Variants in MSI1 observed in about 807,000 individuals in gnomAD.
MSI1 encodes the protein RNA-binding protein Musashi homolog 1.
In MSI1, 15 loss-of-function variants were observed where a neutral mutation model predicts 54.4. The observed-to-expected ratio is 0.28, with a 90% CI of 0.18 to 0.42. The LOEUF is 0.42. MSI1 is among the 20% of genes least tolerant of loss of function. The pLI is 1.00. For synonymous variants in MSI1, 200 were observed against 196.5 expected (o/e 1.02, Z -0.15); for missense variants, 304 against 506.0 (o/e 0.60, Z 3.83).
intron 11 of MSI1, among the ~76,000 whole-genome samples, chr12:120,350,668 T>C (rs2136921668): frequency 6.6e-6 from 1 of 152,244 alleles, no homozygotes; most frequent in South Asian, 2.1e-4. Flanking sequence ...TCTCCTCGGC[T>C]CAAGGCTGGC....
intron 6 of MSI1, among the ~76,000 whole-genome samples, chr12:120,361,171 A>G (rs1183795403): frequency 6.6e-6 from 1 of 152,132 alleles, no homozygotes; most frequent in Non-Finnish European, 1.5e-5. Flanking sequence ...ATTTAGGGCC[A>G]TGACCACCAT....
chr12:120,351,513 A>G (rs1874594498), intron 10 of MSI1, 113 bp from the exon 11 acceptor site: 4 of 883,888 alleles, frequency 4.5e-6, no homozygotes, highest in Admixed American at 2.4e-5. Context: ...GGCCATGCAC[A>G]GGACCCAAGA....
At chr12:120,340,615 A>G (rs1873633881), downstream of MSI1, among the ~76,000 whole-genome samples, 1 of 152,078 alleles carries the variant, frequency 6.6e-6, no homozygotes, top group Admixed American at 6.6e-5. Context: ...CCCAGGGCTC[A>G]AGCAATCTTC....
intron 4 of MSI1, among the ~76,000 whole-genome samples, chr12:120,367,454 G>A (rs899077933): frequency 8.5e-5 from 13 of 152,176 alleles, no homozygotes; most frequent in African/African-American, 2.9e-4. Context: ...GCAAGCTAGA[G>A]CCTTTCTCAT....
chr12:120,340,099 T>TC (rs968014851), downstream of MSI1, among the ~76,000 whole-genome samples: 2 of 151,286 alleles, frequency 1.3e-5, no homozygotes, highest in African/African-American at 4.9e-5. Flanking sequence ...CTTTTTTTTT[T>TC]TTTCTTTGAG....
rs1279975592 is a variant in MSI1 at position 120,368,889 on chromosome 12, A to G, written c.60-16T>C. On this transcript the variant is annotated splice_polypyrimidine_tract_variant and intron_variant, in intron 1 of 14. Coordinates refer to ENST00000257552, the MANE Select transcript of MSI1 (RefSeq NM_002442.4). This position sits in a 1 kb window ranked among gnomAD's most constrained non-coding sequence, Gnocchi z 6.6. ...GAACATCTTGCTGCGGGAGGAGGAG[A>G]GACACAAAGGGCCCGCGTGAGCGCC... The G allele has an allele frequency of 6.9e-7, 1 of 1,450,214 alleles. No homozygotes were observed. Among genetic ancestry groups the G allele is most frequent in the Non-Finnish European group, 9.2e-7 (1 of 1,089,108 alleles). The allele number at this position is 1,450,214 out of a possible 1,614,324, so 89.8% of individuals were successfully genotyped here. A position where few individuals can be genotyped will look rare whatever the true frequency, so the allele number is the denominator to read the frequency against.
chr12:120,347,010 C>T (rs771960858), intron 12 of MSI1, among the ~76,000 whole-genome samples: 8 of 151,942 alleles, frequency 5.3e-5, no homozygotes, highest in Non-Finnish European at 1.2e-4. Context: ...AGTGCAGTGA[C>T]GTGATCTCAG....
chr12:120,340,843 T>C (rs1336782718), downstream of MSI1, among the ~76,000 whole-genome samples: 1 of 151,740 alleles, frequency 6.6e-6, no homozygotes, highest in African/African-American at 2.4e-5. Flanking sequence ...TCCCATGCCA[T>C]GCACAACTTT....
At chr12:120,347,174 T>C (rs1294379287) in intron 12 of MSI1, among the ~76,000 whole-genome samples, 1 of 152,192 alleles carries the variant, frequency 6.6e-6, no homozygotes, top group African/African-American at 2.4e-5. Context: ...GCTCTGGAAC[T>C]CCTGACCTCA....
intron 13 of MSI1, 125 bp from the exon 14 acceptor site, chr12:120,345,757 CT>C (rs971951279): frequency 3.9e-5 from 47 of 1,195,166 alleles, no homozygotes; most frequent in Middle Eastern, 4.2e-4. Flanking sequence ...GATCGCCCCC[CT>C]ACTGCAGGTC....
chr12:120,359,699 C>T (rs193105540), intron 6 of MSI1, among the ~76,000 whole-genome samples: 2 of 152,240 alleles, frequency 1.3e-5, no homozygotes, highest in Non-Finnish European at 2.9e-5. Context: ...GTTACTTCCT[C>T]TAGGTACCCC....
chr12:120,346,356 G>T, intron 12 of MSI1, 34 bp from the exon 13 acceptor site: 2 of 1,470,964 alleles, frequency 1.4e-6, no homozygotes, highest in Non-Finnish European at 1.8e-6. Context: ...TGATAGCCCT[G>T]GTGCCCTCTG....
At chr12:120,365,548 C>G (rs1158155706) in intron 4 of MSI1, among the ~76,000 whole-genome samples, 1 of 152,188 alleles carries the variant, frequency 6.6e-6, no homozygotes, top group Non-Finnish European at 1.5e-5. Flanking sequence ...GTATGCAATT[C>G]AGGCTTTGGA....
chr12:120,351,858 G>A (rs577911324), intron 10 of MSI1, among the ~76,000 whole-genome samples: 68 of 151,090 alleles, frequency 4.5e-4, no homozygotes, highest in Middle Eastern at 6.8e-3. Flanking sequence ...ACAGGCGCCC[G>A]CCACCACGCC....
In MSI1 at chr12:120,369,103, G is replaced by A; in HGVS notation, c.-12C>T. On this transcript the variant is annotated 5_prime_UTR_variant, in exon 1 of 15. Coordinates refer to ENST00000257552, the MANE Select transcript of MSI1 (RefSeq NM_002442.4). Reference sequence around the variant, plus strand: ...GCGTCAGTCTCCATCGGGAGCCGCGGGCGGCGCGGGCAGCGGAGCGGCGGC... The same window carrying A: ...GCGTCAGTCTCCATCGGGAGCCGCGAGCGGCGCGGGCAGCGGAGCGGCGGC... 3.0e-6 allele frequency: 3 copies of A among 1,011,332 alleles called. No individual in the cohort carries two copies. The South Asian group carries it at 1.3e-4, about 45-fold the overall frequency. 62.6% of individuals were successfully genotyped at this position (1,011,332 alleles called of 1,614,324 possible).
intron 11 of MSI1, among the ~76,000 whole-genome samples, chr12:120,348,979 T>G (rs1874377291): frequency 6.6e-6 from 1 of 151,908 alleles, no homozygotes; most frequent in South Asian, 2.1e-4. Flanking sequence ...CTTCAAGCTA[T>G]CCTCCTGTGT....
intron 8 of MSI1, among the ~76,000 whole-genome samples, 163 bp from the exon 9 acceptor site, chr12:120,357,182 T>TA (rs575741004): frequency 8.5e-4 from 129 of 152,350 alleles, no homozygotes; most frequent in African/African-American, 3.0e-3. Context: ...GGGGAGTGTG[T>TA]AAACGGCTTT....
At chr12:120,345,734 C>T in intron 13 of MSI1, 102 bp from the exon 14 acceptor site, 1 of 1,400,398 alleles carries the variant, frequency 7.1e-7, no homozygotes, top group Non-Finnish European at 1.0e-6. Context: ...GCTGACCTCT[C>T]TCTACCTGTC....
At chr12:120,344,081 C>G (rs1873913772) in intron 14 of MSI1, among the ~76,000 whole-genome samples, 1 of 152,170 alleles carries the variant, frequency 6.6e-6, no homozygotes, top group South Asian at 2.1e-4. Context: ...GTCTAGAACT[C>G]CTGACCTCAG....
Sources: gnomAD v4.1 joint callset for allele counts (sites outside exome capture counted in the v4.1 genomes callset) on GRCh38, gnomAD v4.1.1 for gene constraint, Gnocchi (gnomAD v3.1) non-coding constraint, MANE v1.5 for transcripts, NCBI Gene and HGNC (gene_info 2026-07-23, HGNC 2026-07-21) for gene names.